The following L3MBTL3 variants were observed in gnomAD, a reference collection of about 807,000 sequenced individuals.
The protein encoded by L3MBTL3 is lethal(3)malignant brain tumor-like protein 3.
Under a neutral mutation model 102.3 loss-of-function variants are expected in L3MBTL3, and 27 were observed. The ratio of observed to expected loss-of-function variants is 0.26; its 90% CI spans 0.19 to 0.36. The LOEUF (loss-of-function observed/expected upper bound fraction) is 0.36, where lower values mean the gene tolerates loss of function less well. Ranked by LOEUF, L3MBTL3 falls within the 10% of genes least tolerant of loss-of-function variation. The pLI is 1.00. For synonymous variants in L3MBTL3, 340 were observed against 320.9 expected (o/e 1.06, Z -0.64); for missense variants, 798 against 955.3 (o/e 0.84, Z 2.17).
At chr6:130,114,398 G>T (rs1785535626) in intron 19 of L3MBTL3, among the ~76,000 whole-genome samples, 1 of 152,172 alleles carries the variant, frequency 6.6e-6, no homozygotes, top group Non-Finnish European at 1.5e-5. Context: ...GAAAAGCGGT[G>T]ACATCTGTTC....
intron 15 of L3MBTL3, 88 bp downstream of exon 15, chr6:130,083,793 A>G (rs940463109): frequency 8.2e-6 from 5 of 611,006 alleles, no homozygotes; most frequent in South Asian, 2.4e-5. Context: ...TTAGTAAACC[A>G]GAATAGGAAT....
At chr6:130,051,967 A>G (rs373777900) in intron 6 of L3MBTL3, among the ~76,000 whole-genome samples, 14 of 152,336 alleles carry the variant, frequency 9.2e-5, no homozygotes, top group African/African-American at 3.4e-4. Context: ...ATTTGGGGAC[A>G]GTCTGACAAA....
intron 18 of L3MBTL3, among the ~76,000 whole-genome samples, chr6:130,100,620 A>G (rs986771204): frequency 9.4e-5 from 14 of 148,614 alleles, no homozygotes; most frequent in African/African-American, 3.0e-4. Context: ...AATTGAAATT[A>G]CTCTCTGGTC....
intron 15 of L3MBTL3, among the ~76,000 whole-genome samples, chr6:130,085,390 T>C (rs1356123872): frequency 6.6e-6 from 1 of 152,240 alleles, no homozygotes; most frequent in Non-Finnish European, 1.5e-5. Context: ...TTACCACTTC[T>C]AATTTTGGTG....
intron 11 of L3MBTL3, among the ~76,000 whole-genome samples, 169 bp downstream of exon 11, chr6:130,066,657 G>A (rs1477701682): frequency 3.3e-5 from 5 of 152,064 alleles, no homozygotes; most frequent in Non-Finnish European, 2.9e-5. Flanking sequence ...AATAAAAGCA[G>A]AATCCAGCCT....
chr6:130,040,596 A>G (rs1457487710), intron 2 of L3MBTL3, among the ~76,000 whole-genome samples: 1 of 152,170 alleles, frequency 6.6e-6, no homozygotes, highest in Non-Finnish European at 1.5e-5. Context: ...GTGTTACAAA[A>G]TCCTGATTTT....
chr6:130,135,232 T>C (rs370069689), intron 22 of L3MBTL3, among the ~76,000 whole-genome samples: 1 of 152,012 alleles, frequency 6.6e-6, no homozygotes, highest in Non-Finnish European at 1.5e-5. Context: ...GGCTAATTTT[T>C]TTTGTATTTT....
chr6:130,057,547 A>C, intron 9 of L3MBTL3, 50 bp downstream of exon 9: 3 of 1,359,470 alleles, frequency 2.2e-6, no homozygotes, highest in African/African-American at 1.4e-5. Flanking sequence ...GAGCTGGGAT[A>C]CCAGCCTGAA....
intron 19 of L3MBTL3, among the ~76,000 whole-genome samples, chr6:130,108,391 C>A (rs896128708): frequency 6.6e-6 from 1 of 151,766 alleles, no homozygotes; most frequent in Non-Finnish European, 1.5e-5. Context: ...TGTGCCACCA[C>A]GCCCAGCTAA....
chr6:130,096,479 AT>A (rs1784373084), intron 18 of L3MBTL3, among the ~76,000 whole-genome samples: 1 of 152,228 alleles, frequency 6.6e-6, no homozygotes, highest in African/African-American at 2.4e-5. Context: ...TTGAGGTGCA[AT>A]TGGAGGTGAA....
chr6:130,091,997 A>G (rs866440784), intron 16 of L3MBTL3, among the ~76,000 whole-genome samples: 8 of 152,138 alleles, frequency 5.3e-5, no homozygotes, highest in Non-Finnish European at 1.0e-4. Context: ...TTAAATAACT[A>G]GTAGAATTGG....
At chr6:130,052,826 CTT>C (rs755097629) in intron 6 of L3MBTL3, 31 bp from the exon 7 acceptor site, 3 of 1,599,654 alleles carry the variant, frequency 1.9e-6, no homozygotes, top group African/African-American at 1.3e-5. Context: ...GGTATTGTCT[CTT>C]GTCACTATTT....
At chr6:130,118,561 G>T (rs1440719450) in intron 19 of L3MBTL3, among the ~76,000 whole-genome samples, 1 of 152,032 alleles carries the variant, frequency 6.6e-6, no homozygotes, top group Non-Finnish European at 1.5e-5. Context: ...GAACCTCAGG[G>T]GTATAGGCGC....
At position 130,056,666 on chromosome 6, in the gene L3MBTL3, C is replaced by G. The variant is rs114865418; in HGVS notation, c.668-740C>G. On this transcript the variant is annotated intron_variant, in intron 8 of 22. Transcript: ENST00000361794. ...GCACTCTGCCTCCAAATGTCTGTTTCTTTCACCATCATTTCCCCTGCCCTT... is the reference window on the plus strand; with the variant it reads ...GCACTCTGCCTCCAAATGTCTGTTTGTTTCACCATCATTTCCCCTGCCCTT... Among the ~76,000 whole-genome samples, 242 of 152,302 alleles carry G rather than the reference C, an allele frequency of 1.6e-3. 3 individuals carry two copies. Among genetic ancestry groups the G allele is most frequent in the African/African-American group, 5.6e-3 (234 of 41,556 alleles).
At chr6:130,024,631 T>G (rs1483039373) in intron 2 of L3MBTL3, among the ~76,000 whole-genome samples, 1 of 152,184 alleles carries the variant, frequency 6.6e-6, no homozygotes, top group African/African-American at 2.4e-5. Context: ...ACTTACTTTA[T>G]GTGGTGGGTG....
intron 2 of L3MBTL3, among the ~76,000 whole-genome samples, chr6:130,030,229 G>T (rs1191247247): frequency 6.6e-6 from 1 of 151,880 alleles, no homozygotes; most frequent in South Asian, 2.1e-4. Flanking sequence ...GCACTCTAGT[G>T]TACATAATTT....
intron 3 of L3MBTL3, among the ~76,000 whole-genome samples, chr6:130,046,144 A>G (rs1780710096): frequency 6.6e-6 from 1 of 152,164 alleles, no homozygotes; most frequent in Non-Finnish European, 1.5e-5. Flanking sequence ...CCTCTGGGTC[A>G]TAATGTCTTT....
intron 14 of L3MBTL3, among the ~76,000 whole-genome samples, chr6:130,081,625 C>A (rs920894203): frequency 1.3e-5 from 2 of 151,054 alleles, no homozygotes; most frequent in Non-Finnish European, 2.9e-5. Context: ...TGGGGTTTCA[C>A]CATGTTAGCC....
intron 8 of L3MBTL3, 54 bp downstream of exon 8, chr6:130,055,309 T>G (rs1781396818): frequency 2.2e-6 from 3 of 1,389,826 alleles, no homozygotes; most frequent in Non-Finnish European, 3.0e-6. Flanking sequence ...TGGAAATGGT[T>G]CACACAGGTG....
Sources: gnomAD v4.1 joint callset for allele counts (sites outside exome capture counted in the v4.1 genomes callset) on GRCh38, gnomAD v4.1.1 for gene constraint, MANE v1.5 for transcripts, NCBI Gene and HGNC (gene_info 2026-07-23, HGNC 2026-07-21) for gene names.